Variants in FOLR3 observed in about 807,000 individuals in gnomAD.
FOLR3 encodes the protein folate receptor 3 (gamma).
Under a neutral mutation model 20.0 loss-of-function variants are expected in FOLR3, and 9 were observed. The ratio of observed to expected loss-of-function variants is 0.45; its 90% CI spans 0.27 to 0.79. The LOEUF is 0.79. Ranked by LOEUF, FOLR3 falls within the 30% of genes least tolerant of loss-of-function variation. The pLI is 0.15. For missense variants in FOLR3, 309 were observed against 323.5 expected, an observed-to-expected ratio of 0.96 and a Z score of 0.34; for synonymous variants, 124 against 115.5, an observed-to-expected ratio of 1.07 and a Z score of -0.47.
rs1947795333 is a variant in FOLR3, at chr11:72,139,737, A to T, written c.644A>T (p.Asp215Val). Residue 215 changes from aspartate to valine, a missense_variant, in exon 5 of 5, where the codon GAC (aspartate) becomes GTC (valine). Coordinates refer to ENST00000611028, the MANE Select transcript of FOLR3 (RefSeq NM_000804.4). The stretch of plus-strand genomic sequence containing the variant: ...GGCCGCTGCATCCAGATGTGGTTTG[A>T]CTCAGCCCAGGGCAACCCCAATGAG... ...GSGRCIQMWF[D>V]SAQGNPNEEV... is the part of the protein sequence containing the mutation. The T allele has an allele frequency of 1.2e-6, 2 of 1,613,764 alleles. No homozygotes were observed. The highest frequency in any genetic ancestry group is 1.7e-5 in the Admixed American group (1 of 59,972).
rs749513318 is a variant in FOLR3 at position 72,135,935 on chromosome 11, G to T, written c.-6-12G>T. 31 of 1,608,018 alleles carry T rather than the reference G, an allele frequency of 1.9e-5. No homozygotes were observed. In the African/African-American group the frequency reaches 4.1e-4, roughly 21 times the overall value. On this transcript the variant is annotated splice_polypyrimidine_tract_variant and intron_variant, in intron 1 of 4. Coordinates refer to ENST00000611028, the MANE Select transcript of FOLR3 (RefSeq NM_000804.4). ...CAGGCCTTGTCTACCTCTGACTGTG[G>T]CTCTCTGGCAGGAATAGATGGACAT...
rs904789544 is a variant in FOLR3, at chr11:72,139,654, C to G, written c.561C>G (p.Ala187=). The G allele has an allele frequency of 1.9e-6, 3 of 1,613,484 alleles. No individual in the cohort carries two copies. Among genetic ancestry groups the G allele is most frequent in the Non-Finnish European group, 2.5e-6 (3 of 1,179,904 alleles). The change falls in exon 5 of 5, where the codon GCC becomes GCG. Residue 187 remains alanine, a synonymous_variant. Coordinates refer to ENST00000611028, the MANE Select transcript of FOLR3 (RefSeq NM_000804.4). ...TFESYFPTPA[A]LCEGLWSHSF... is the part of the protein sequence containing the mutation. ...AGTCCTACTTCCCCACTCCAGCCGC[C>G]CTTTGTGAAGGCCTCTGGAGCCACT...
chr11:72,139,789 C>T lies in FOLR3; in HGVS notation c.696C>T (p.Ala232=), dbSNP rs752913518. The part of the protein sequence containing the change: ...NEEVAKFYAA[A]MNAGAPSRGI... ...AGGTGGCCAAGTTCTATGCTGCGGC[C>T]ATGAATGCTGGGGCCCCGTCTCGTG... The change falls in exon 5 of 5, where the codon GCC becomes GCT. Residue 232 remains alanine (A), a synonymous_variant. Transcript: ENST00000611028. 1 of 1,614,050 alleles carries T rather than the reference C, an allele frequency of 6.2e-7. No individual in the cohort carries two copies. Among genetic ancestry groups the T allele is most frequent in the Non-Finnish European group, 8.5e-7 (1 of 1,179,942 alleles).
At chr11:72,139,526 T>G in intron 4 of FOLR3, 44 bp downstream of exon 4, 1 of 1,612,830 alleles carries the variant, frequency 6.2e-7, no homozygotes, top group Non-Finnish European at 8.5e-7. Flanking sequence ...AGTGGGGCTT[T>G]GGGGTTGGGA....
In FOLR3 at chr11:72,139,781, G is replaced by A. The variant is rs1202886613; in HGVS notation, c.688G>A (p.Ala230Thr). The A allele has an allele frequency of 1.2e-6, 2 of 1,614,096 alleles. No individual in the cohort carries two copies. The highest frequency in any genetic ancestry group is 1.7e-5 in the Admixed American group (1 of 60,018). ...NPNEEVAKFY[A>T]AAMNAGAPSR... Reference sequence around the variant, plus strand: ...CAATGAGGAGGTGGCCAAGTTCTATGCTGCGGCCATGAATGCTGGGGCCCC... The same window carrying A: ...CAATGAGGAGGTGGCCAAGTTCTATACTGCGGCCATGAATGCTGGGGCCCC... The change falls in exon 5 of 5, where the codon GCT becomes ACT. Residue 230 changes from alanine (A) to threonine (T), a missense_variant. Ala to Thr is a moderately conservative substitution (Grantham distance 58). Transcript: ENST00000611028.
intron 1 of FOLR3, 35 bp from the exon 2 acceptor site, chr11:72,135,912 G>C (rs1386575283): frequency 6.2e-7 from 1 of 1,605,412 alleles, no homozygotes; most frequent in Non-Finnish European, 8.5e-7. Context: ...CCCTGTCTCA[G>C]GCCTTGTCTA....
chr11:72,138,907 T>A, intron 2 of FOLR3, 54 bp from the exon 3 acceptor site: 1 of 1,593,286 alleles, frequency 6.3e-7, no homozygotes, highest in South Asian at 1.1e-5. Flanking sequence ...AGCCAGAATA[T>A]GGAGGAGATG....
chr11:72,139,511 G>A (rs777776162), intron 4 of FOLR3, 29 bp downstream of exon 4: 14 of 1,613,334 alleles, frequency 8.7e-6, no homozygotes. Context: ...AAGATGAGGA[G>A]TGGGAGTGGG....
chr11:72,137,155 G>T (rs1472282558), intron 2 of FOLR3, among the ~76,000 whole-genome samples: 1 of 152,186 alleles, frequency 6.6e-6, no homozygotes, highest in Non-Finnish European at 1.5e-5. Flanking sequence ...CTAGGTGCAA[G>T]GGTTCAGCCC....
intron 2 of FOLR3, among the ~76,000 whole-genome samples, chr11:72,136,911 T>C (rs1281522212): frequency 6.6e-6 from 1 of 152,204 alleles, no homozygotes; most frequent in Non-Finnish European, 1.5e-5. Flanking sequence ...GACCCATGTC[T>C]GCCAAACCCT....
At chr11:72,138,290 C>T (rs982850730) in intron 2 of FOLR3, among the ~76,000 whole-genome samples, 3 of 151,852 alleles carry the variant, frequency 2.0e-5, no homozygotes, top group Admixed American at 6.6e-5. Flanking sequence ...TGCTTGAACC[C>T]GGGAGGTGGA....
At chr11:72,136,936 G>T (rs556255654) in intron 2 of FOLR3, among the ~76,000 whole-genome samples, 1 of 152,334 alleles carries the variant, frequency 6.6e-6, no homozygotes, top group Non-Finnish European at 1.5e-5. Flanking sequence ...CCCATGATGT[G>T]CAAGGGGTCT....
chr11:72,135,960 T>C lies in FOLR3; in HGVS notation c.8T>C (p.Met3Thr). 6.2e-7 allele frequency: 1 copy of C among 1,612,848 alleles called. No individual in the cohort carries two copies. Among genetic ancestry groups the C allele is most frequent in the Non-Finnish European group, 8.5e-7 (1 of 1,179,580 alleles). MD[M>T]AWQMMQLLLL... is the part of the protein sequence containing the mutation. ...GCTCTCTGGCAGGAATAGATGGACA[T>C]GGCCTGGCAGATGATGCAGCTGCTG... The change falls in exon 2 of 5, where the codon ATG becomes ACG. Residue 3 changes from methionine to threonine, a missense_variant. Met to Thr is a moderately conservative substitution (Grantham distance 81). Coordinates refer to ENST00000611028, the MANE Select transcript of FOLR3 (RefSeq NM_000804.4).
chr11:72,136,575 G>A (rs1947745255), intron 2 of FOLR3, among the ~76,000 whole-genome samples: 1 of 151,456 alleles, frequency 6.6e-6, no homozygotes, highest in Non-Finnish European at 1.5e-5. Context: ...ATTTTTAACT[G>A]TACGGTTCAG....
chr11:72,137,390 C>A lies in FOLR3; in HGVS notation c.168+1270C>A, dbSNP rs527452689. Among the ~76,000 whole-genome samples, 3 of 152,176 alleles carry A rather than the reference C, an allele frequency of 2.0e-5. No homozygotes were observed. In the South Asian group the frequency reaches 6.2e-4, roughly 32 times the overall value. On this transcript the variant is annotated intron_variant, in intron 2 of 4. Coordinates refer to ENST00000611028, the MANE Select transcript of FOLR3 (RefSeq NM_000804.4). The stretch of plus-strand genomic sequence containing the variant: ...TCAGGATCTATCTAGAGTCTCCCCA[C>A]CTGGACCTCCAGACCCTGGGAGAGC...
intron 2 of FOLR3, among the ~76,000 whole-genome samples, chr11:72,136,598 T>C (rs1161874232): frequency 3.9e-5 from 6 of 152,112 alleles, no homozygotes; most frequent in African/African-American, 7.2e-5. Context: ...GCATTAGGTA[T>C]GCTCATGTGG....
At chr11:72,136,224 A>G in intron 2 of FOLR3, 104 bp downstream of exon 2, 2 of 1,420,746 alleles carry the variant, frequency 1.4e-6, no homozygotes, top group Non-Finnish European at 2.0e-6. Context: ...CGCTGCTGAC[A>G]AGGAAGGGGA....
chr11:72,138,845 C>T, intron 2 of FOLR3, 116 bp from the exon 3 acceptor site: 2 of 1,299,156 alleles, frequency 1.5e-6, no homozygotes, highest in Non-Finnish European at 2.2e-6. Context: ...GGGAGCTCCT[C>T]AAGGGCCCTC....
At chr11:72,138,928 G>C (rs780441455) in intron 2 of FOLR3, 33 bp from the exon 3 acceptor site, 1 of 1,610,202 alleles carries the variant, frequency 6.2e-7, no homozygotes, top group East Asian at 2.2e-5. Context: ...GCTGTGGTGG[G>C]GAGAGACTTA....
Sources: allele counts gnomAD v4.1 joint callset (sites outside exome capture counted in the v4.1 genomes callset), GRCh38; gene constraint gnomAD v4.1.1; transcripts MANE v1.5; gene names NCBI Gene and HGNC (gene_info 2026-07-23, HGNC 2026-07-21).